DNAJB6: variants seen among roughly 807,000 people sequenced by gnomAD.
DNAJB6 encodes DnaJ heat shock protein family (Hsp40) member B6.
In DNAJB6, 16 loss-of-function variants were observed where a neutral mutation model predicts 42.7. The ratio of observed to expected loss-of-function variants is 0.37; its 90% CI spans 0.25 to 0.57. The LOEUF (loss-of-function observed/expected upper bound fraction) is 0.57, where lower values mean the gene tolerates loss of function less well. Among genes scored for constraint, DNAJB6 ranks in the 20% least tolerant of loss-of-function variants. The pLI is 0.74. For missense variants in DNAJB6, 347 were observed against 416.8 expected, an observed-to-expected ratio of 0.83 and a Z score of 1.46; for synonymous variants, 170 against 163.5, an observed-to-expected ratio of 1.04 and a Z score of -0.30.
At chr7:157,338,289 C>T (rs1423719181) in intron 1 of DNAJB6, among the ~76,000 whole-genome samples, 1 of 151,980 alleles carries the variant, frequency 6.6e-6, no homozygotes, top group African/African-American at 2.4e-5. Flanking sequence ...CTTACTCCTC[C>T]GCCAGTCCAC....
In DNAJB6 at chr7:157,409,883, G is replaced by A. The variant is rs1023136384; in HGVS notation, c.780G>A (p.Pro260=). The A allele has an allele frequency of 1.8e-5, 28 of 1,533,694 alleles. No homozygotes were observed. The highest frequency in any genetic ancestry group is 2.3e-5 in the Non-Finnish European group (26 of 1,145,700). The part of the protein sequence containing the change: ...LPAQPAGLRP[P]KPPRPASLLR... ...CCCAGCCTGCCGGCCTCCGCCCGCC[G>A]AAGCCGCCCCGGCCTGCCTCGCTGC... The change falls in exon 9 of 10, where the codon CCG becomes CCA. Residue 260 remains proline, a synonymous_variant. Coordinates refer to ENST00000262177, the MANE Select transcript of DNAJB6 (RefSeq NM_058246.4).
chr7:157,395,337 T>C (rs1402742099), intron 8 of DNAJB6, among the ~76,000 whole-genome samples: 3 of 152,244 alleles, frequency 2.0e-5, no homozygotes, highest in African/African-American at 7.2e-5. Flanking sequence ...TATCTGACTT[T>C]TAACATTAAC....
intron 5 of DNAJB6, among the ~76,000 whole-genome samples, chr7:157,376,060 C>G (rs1800456742): frequency 6.6e-6 from 1 of 152,162 alleles, no homozygotes; most frequent in South Asian, 2.1e-4. Context: ...CTTAGTGCTG[C>G]CCTGAGATGA....
chr7:157,390,523 C>T (rs1349383551), intron 8 of DNAJB6, among the ~76,000 whole-genome samples: 1 of 152,220 alleles, frequency 6.6e-6, no homozygotes, highest in Non-Finnish European at 1.5e-5. Context: ...CCAGAACTTG[C>T]AAAACCATAG....
intron 2 of DNAJB6, 142 bp from the exon 3 acceptor site, chr7:157,363,019 A>G: frequency 1.8e-6 from 1 of 545,500 alleles, no homozygotes; most frequent in Non-Finnish European, 3.3e-6. Flanking sequence ...TGTAGAGGAA[A>G]GGGAGGTTTT....
At position 157,373,795 on chromosome 7, in the gene DNAJB6, C is replaced by G. The variant is rs557512771; in HGVS notation, c.346+6312C>G. Among the ~76,000 whole-genome samples, 9 of 152,232 alleles carry G rather than the reference C, an allele frequency of 5.9e-5. No individual in the cohort carries two copies. The East Asian group carries it at 9.7e-4, about 16-fold the overall frequency. On this transcript the variant is annotated intron_variant, in intron 5 of 9. Coordinates refer to ENST00000262177, the MANE Select transcript of DNAJB6 (RefSeq NM_058246.4). ...CAGCAGTTTGTTTGTAATGAGTGTT[C>G]TTTGATTACTTTGGACAGAGTTCAT... is the stretch of plus-strand genomic sequence containing the variant.
intron 1 of DNAJB6, among the ~76,000 whole-genome samples, chr7:157,350,733 A>G (rs1007230502): frequency 6.6e-6 from 1 of 150,410 alleles, no homozygotes; most frequent in Non-Finnish European, 1.5e-5. Context: ...TCTGTCTCCC[A>G]GGCTGGAGTG....
intron 1 of DNAJB6, among the ~76,000 whole-genome samples, chr7:157,347,852 G>A (rs1183255507): frequency 6.6e-6 from 1 of 152,196 alleles, no homozygotes; most frequent in Non-Finnish European, 1.5e-5. Flanking sequence ...CTGGAGTGCA[G>A]TGGTGTGATC....
At chr7:157,380,169 T>C (rs1370499740) in intron 5 of DNAJB6, 1 of 152,184 alleles carries the variant, frequency 6.6e-6, no homozygotes, top group East Asian at 1.9e-4. Flanking sequence ...TACCGCATAA[T>C]CAGTTTTAAC....
chr7:157,349,169 C>A (rs1400226291), intron 1 of DNAJB6, among the ~76,000 whole-genome samples: 1 of 152,100 alleles, frequency 6.6e-6, no homozygotes, highest in Non-Finnish European at 1.5e-5. Context: ...AGGTGTGAGA[C>A]CCTGCAACGG....
intron 5 of DNAJB6, chr7:157,372,165 G>C (rs1399231350): frequency 6.5e-6 from 1 of 152,780 alleles, no homozygotes; most frequent in Non-Finnish European, 1.5e-5. Context: ...GAAGTGGCCG[G>C]TGAGGACTTG....
At chr7:157,342,270 T>C (rs1798433980) in intron 1 of DNAJB6, among the ~76,000 whole-genome samples, 1 of 150,686 alleles carries the variant, frequency 6.6e-6, no homozygotes, top group African/African-American at 2.4e-5. Context: ...TAGTGTCAAG[T>C]GATTCTCCTA....
intron 1 of DNAJB6, among the ~76,000 whole-genome samples, chr7:157,353,619 G>GTGTGTGTGTGTGTGTA (rs765489885): frequency 0.014 from 1,983 of 146,598 alleles, 15 homozygotes; most frequent in African/African-American, 0.034. Context: ...GTGTGTGTGT[G>GTGTGTGTGTGTGTGTA]TGTATGTATT....
At chr7:157,388,425 TCTTTA>T (rs1461241251) in intron 8 of DNAJB6, among the ~76,000 whole-genome samples, 3 of 152,170 alleles carry the variant, frequency 2.0e-5, no homozygotes, top group South Asian at 2.1e-4. Flanking sequence ...TTCAACAGTC[TCTTTA>T]CTTGCTGTAG....
At chr7:157,339,278 C>T (rs984055199) in intron 1 of DNAJB6, among the ~76,000 whole-genome samples, 41 of 123,302 alleles carry the variant, frequency 3.3e-4, no homozygotes, top group African/African-American at 1.2e-3. Context: ...GGTCTGTTTG[C>T]ACCTTTTTTT....
At chr7:157,402,181 G>A (rs979287600) in intron 8 of DNAJB6, among the ~76,000 whole-genome samples, 4 of 152,286 alleles carry the variant, frequency 2.6e-5, no homozygotes, top group South Asian at 2.1e-4. Context: ...GGCTGGTCTC[G>A]AACTCCTGGG....
chr7:157,361,762 A>G (rs929072526), intron 2 of DNAJB6, among the ~76,000 whole-genome samples: 3 of 151,992 alleles, frequency 2.0e-5, no homozygotes, highest in African/African-American at 7.2e-5. Flanking sequence ...TCATTCATTC[A>G]TTCATTCATT....
chr7:157,343,382 A>G (rs537534958), intron 1 of DNAJB6, among the ~76,000 whole-genome samples: 1 of 152,068 alleles, frequency 6.6e-6, no homozygotes, highest in African/African-American at 2.4e-5. Context: ...CTGGTCTTGA[A>G]CACCTCAGGT....
intron 1 of DNAJB6, among the ~76,000 whole-genome samples, chr7:157,348,206 C>T (rs1465305934): frequency 6.6e-6 from 1 of 152,014 alleles, no homozygotes; most frequent in Non-Finnish European, 1.5e-5. Flanking sequence ...GATTCTCCTG[C>T]CTCAGCCTCC....
Sources: gnomAD v4.1 joint callset for allele counts (sites outside exome capture counted in the v4.1 genomes callset) on GRCh38, gnomAD v4.1.1 for gene constraint, MANE v1.5 for transcripts, NCBI Gene and HGNC (gene_info 2026-07-23, HGNC 2026-07-21) for gene names.